Variants in DAB1 observed in about 807,000 individuals in gnomAD.
The protein encoded by DAB1 is DAB adaptor protein 1.
A neutral mutation model predicts 64.6 loss-of-function variants in DAB1; 15 were observed. That is an observed-to-expected ratio of 0.23 (90% CI 0.16 to 0.36). The LOEUF is 0.36. DAB1 is among the 10% of genes least tolerant of loss of function. The probability of loss-of-function intolerance (pLI) is 1.00; values close to 1 mark genes in which losing one functional copy is unlikely to be tolerated. For synonymous variants in DAB1, 235 were observed against 251.9 expected, an observed-to-expected ratio of 0.93 and a Z score of 0.64; for missense variants, 596 against 706.7, an observed-to-expected ratio of 0.84 and a Z score of 1.78.
intron 3 of DAB1, among the ~76,000 whole-genome samples, chr1:57,137,730 A>G (rs1203457852): frequency 1.3e-5 from 2 of 152,216 alleles, no homozygotes; most frequent in Non-Finnish European, 2.9e-5. Context: ...AAAGTCTAAA[A>G]TAATGATTTC....
chr1:57,656,369 T>TG (rs879364417), intron 6 of DAB1, among the ~76,000 whole-genome samples: 5 of 151,894 alleles, frequency 3.3e-5, no homozygotes, highest in African/African-American at 4.8e-5. Context: ...TGTGTGTGTG[T>TG]TTTTGTGCTC....
At chr1:57,234,159 G>A (rs1426225648) in intron 2 of DAB1, among the ~76,000 whole-genome samples, 1 of 152,188 alleles carries the variant, frequency 6.6e-6, no homozygotes, top group African/African-American at 2.4e-5. Context: ...CCCGACTCAA[G>A]GAGTTCACAG....
At chr1:58,293,513 T>C (rs1212608695) in intron 4 of DAB1, among the ~76,000 whole-genome samples, 1 of 152,114 alleles carries the variant, frequency 6.6e-6, no homozygotes, top group South Asian at 2.1e-4. Context: ...AGAGTATAAA[T>C]AAAGCCCGCA....
chr1:57,656,352 TTG>T (rs148466319), intron 6 of DAB1, among the ~76,000 whole-genome samples: 3,213 of 151,734 alleles, frequency 0.021, 106 homozygotes, highest in African/African-American at 0.073. Context: ...GCAAAAGTAA[TTG>T]TGTGTGTGTG....
chr1:57,591,432 T>A (rs918438054), intron 7 of DAB1, among the ~76,000 whole-genome samples: 1 of 152,176 alleles, frequency 6.6e-6, no homozygotes, highest in Non-Finnish European at 1.5e-5. Context: ...CAGCCAAAAT[T>A]CATAAAGGCA....
At chr1:58,373,171 T>TTTC (rs1644284339) in intron 3 of DAB1, among the ~76,000 whole-genome samples, 1 of 131,070 alleles carries the variant, frequency 7.6e-6, no homozygotes, top group Non-Finnish European at 1.6e-5. Context: ...ACTATTTTCT[T>TTTC]TTTTTTTTTT....
At chr1:57,320,799 T>C (rs973029483) in intron 1 of DAB1, among the ~76,000 whole-genome samples, 20 of 152,174 alleles carry the variant, frequency 1.3e-4, no homozygotes, top group Admixed American at 3.9e-4. Flanking sequence ...CAAAACCCTA[T>C]GTGGTAGTTA....
chr1:58,527,902 T>C (rs1052448465), intron 1 of DAB1, among the ~76,000 whole-genome samples: 7 of 152,362 alleles, frequency 4.6e-5, no homozygotes, highest in African/African-American at 1.7e-4. Flanking sequence ...ATAGATACAG[T>C]AACTTTAATT....
In DAB1 at chr1:57,461,930, G is replaced by A. The variant is rs1686793737; in HGVS notation, n.626-170764C>T. Among the ~76,000 whole-genome samples, 5 of 147,776 alleles carry A rather than the reference G, an allele frequency of 3.4e-5. No individual in the cohort carries two copies. In the South Asian group the frequency reaches 1.1e-3, roughly 32 times the overall value. Reference sequence around the variant, plus strand: ...GTGGAGGGAAATGGAATACATAAAGGATAAGATATACTCTTTTTTTTTTTT... The same window carrying A: ...GTGGAGGGAAATGGAATACATAAAGAATAAGATATACTCTTTTTTTTTTTT... On this transcript the variant is annotated intron_variant and non_coding_transcript_variant, in intron 7 of 20. Transcript: ENST00000485760.
intron 7 of DAB1, among the ~76,000 whole-genome samples, chr1:57,551,544 A>C (rs1644914191): frequency 6.6e-6 from 1 of 152,224 alleles, no homozygotes. Context: ...AGGCAACTTA[A>C]TAAACCACTT....
chr1:58,136,044 A>G (rs1300777510), intron 5 of DAB1, among the ~76,000 whole-genome samples: 1 of 152,184 alleles, frequency 6.6e-6, no homozygotes, highest in Admixed American at 6.5e-5. Flanking sequence ...TCGCTGCAAC[A>G]AAGTGTTTGC....
chr1:57,271,475 C>T (rs892547977), intron 2 of DAB1, among the ~76,000 whole-genome samples: 29 of 152,300 alleles, frequency 1.9e-4, no homozygotes, highest in African/African-American at 6.5e-4. Context: ...AAACTCACTT[C>T]CTGTAAAGAC....
intron 7 of DAB1, among the ~76,000 whole-genome samples, chr1:57,485,645 A>C (rs999865596): frequency 6.6e-6 from 1 of 152,180 alleles, no homozygotes; most frequent in Non-Finnish European, 1.5e-5. Context: ...TTAGCACAAC[A>C]TGTGTGACTT....
intron 7 of DAB1, among the ~76,000 whole-genome samples, chr1:57,456,347 A>G (rs1686592261): frequency 6.6e-6 from 1 of 152,194 alleles, no homozygotes; most frequent in South Asian, 2.1e-4. Flanking sequence ...TCTCACCATT[A>G]AAAGAGACTA....
At chr1:58,297,411 C>T (rs1261665532) in intron 4 of DAB1, among the ~76,000 whole-genome samples, 1 of 152,176 alleles carries the variant, frequency 6.6e-6, no homozygotes, top group Non-Finnish European at 1.5e-5. Flanking sequence ...GTCTAGTGGA[C>T]TGTTGCAGTG....
intron 5 of DAB1, among the ~76,000 whole-genome samples, chr1:58,085,987 G>A (rs1240944362): frequency 1.1e-4 from 11 of 104,292 alleles, no homozygotes; most frequent in East Asian, 3.8e-4. Context: ...TTTTTGAGAC[G>A]GAGTCTCGCT....
At chr1:57,967,933 A>G (rs1433702558) in intron 5 of DAB1, among the ~76,000 whole-genome samples, 2 of 152,214 alleles carry the variant, frequency 1.3e-5, no homozygotes, top group Non-Finnish European at 2.9e-5. Context: ...ATTTTCGTAT[A>G]TAAAACAGGA....
chr1:57,057,646 T>C (rs535259359), intron 9 of DAB1, among the ~76,000 whole-genome samples: 376 of 151,584 alleles, frequency 2.5e-3, no homozygotes, highest in Non-Finnish European at 3.6e-3. Context: ...CTCGTTCTGT[T>C]GCCCAGGCTG....
At chr1:57,537,403 T>A (rs1644743321) in intron 7 of DAB1, among the ~76,000 whole-genome samples, 1 of 152,206 alleles carries the variant, frequency 6.6e-6, no homozygotes, top group Non-Finnish European at 1.5e-5. Context: ...TCACCCCAGG[T>A]TGAGAAACAG....
Sources: allele counts gnomAD v4.1 joint callset (sites outside exome capture counted in the v4.1 genomes callset), GRCh38; gene constraint gnomAD v4.1.1; transcripts MANE v1.5; gene names NCBI Gene and HGNC (gene_info 2026-07-23, HGNC 2026-07-21).